Variants in DGLUCY observed in about 807,000 individuals in gnomAD.
DGLUCY encodes D-glutamate cyclase, also known as D-glutamate cyclase, mitochondrial.
A neutral mutation model predicts 58.5 loss-of-function variants in DGLUCY; 58 were observed. The ratio of observed to expected loss-of-function variants is 0.99; its 90% CI spans 0.80 to 1.23. The LOEUF (loss-of-function observed/expected upper bound fraction) is 1.23, where lower values mean the gene tolerates loss of function less well. DGLUCY is among the 50% of genes most tolerant of loss of function. The pLI is 0.00. For synonymous variants in DGLUCY, 325 were observed against 314.1 expected (o/e 1.03, Z -0.37); for missense variants, 779 against 784.7 (o/e 0.99, Z 0.09).
intron 9 of DGLUCY, among the ~76,000 whole-genome samples, chr14:91,195,670 G>GTTTTT (rs1207157314): frequency 6.6e-5 from 8 of 120,658 alleles, no homozygotes; most frequent in East Asian, 4.5e-4. Context: ...TTTGGGTTTT[G>GTTTTT]TTTTTTTTTT....
intron 10 of DGLUCY, among the ~76,000 whole-genome samples, chr14:91,198,384 AC>A (rs2050348378): frequency 7.4e-6 from 1 of 134,258 alleles, no homozygotes; most frequent in Non-Finnish European, 1.6e-5. Flanking sequence ...TCACTCTGTC[AC>A]CCAGGCTGGA....
At chr14:91,090,013 G>A (rs949412767) in intron 1 of DGLUCY, among the ~76,000 whole-genome samples, 3 of 152,138 alleles carry the variant, frequency 2.0e-5, no homozygotes, top group African/African-American at 7.2e-5. Flanking sequence ...CCAATCATGG[G>A]ACAATCTGTC....
Position 91,175,979 on chromosome 14 carries a change from C to T in DGLUCY, c.653C>T (p.Ala218Val), listed in dbSNP as rs376295292. The T allele has an allele frequency of 3.1e-6, 5 of 1,613,906 alleles. No homozygotes were observed. The Admixed American group carries it at 5.0e-5, about 16-fold the overall frequency. ...CTTTCCAAACCTGCCTACGGGGATG[C>T]CATGGTGTGTCCCCCAGGGGAGGTT... ...KELSKPAYGD[A>V]MVCPPGEVPV... is the part of the protein sequence containing the mutation. Residue 218 changes from alanine to valine, a missense_variant, in exon 7 of 14, where the codon GCC (alanine) becomes GTC (valine). Coordinates refer to ENST00000256324, the MANE Select transcript of DGLUCY (RefSeq NM_001102368.3).
chr14:91,152,017 C>T (rs959985931), intron 1 of DGLUCY, among the ~76,000 whole-genome samples: 2 of 152,194 alleles, frequency 1.3e-5, no homozygotes, highest in Non-Finnish European at 2.9e-5. Context: ...CTACCTTACT[C>T]AGCTCCACCT....
chr14:91,176,923 A>G (rs559811242), intron 7 of DGLUCY, among the ~76,000 whole-genome samples: 143 of 150,160 alleles, frequency 9.5e-4, no homozygotes, highest in African/African-American at 3.5e-3. Context: ...TTGATTAAAT[A>G]TATTTCCTTC....
chr14:91,188,742 T>C (rs2049681463), intron 8 of DGLUCY, among the ~76,000 whole-genome samples, 168 bp from the exon 9 acceptor site: 1 of 152,028 alleles, frequency 6.6e-6, no homozygotes, highest in Non-Finnish European at 1.5e-5. Flanking sequence ...GGCGGGAGGA[T>C]CACGTGAGCC....
chr14:91,097,668 T>C (rs1020501952), intron 1 of DGLUCY, among the ~76,000 whole-genome samples: 2 of 144,264 alleles, frequency 1.4e-5, no homozygotes, highest in Non-Finnish European at 1.5e-5. Context: ...AAGGACCCCC[T>C]CCCCTCCCTT....
intron 12 of DGLUCY, among the ~76,000 whole-genome samples, chr14:91,206,773 T>C (rs1468915434): frequency 6.6e-6 from 1 of 152,114 alleles, no homozygotes; most frequent in African/African-American, 2.4e-5. Flanking sequence ...AAACACAATT[T>C]GAAGAGAAGT....
chr14:91,184,427 G>A (rs113904579), intron 8 of DGLUCY, among the ~76,000 whole-genome samples: 8,167 of 151,142 alleles, frequency 0.054, 268 homozygotes, highest in Middle Eastern at 0.12. Flanking sequence ...GGTGTCAAAC[G>A]CCTGTGGTCC....
At chr14:91,203,394 T>C (rs1197087622) in intron 11 of DGLUCY, among the ~76,000 whole-genome samples, 2 of 152,240 alleles carry the variant, frequency 1.3e-5, no homozygotes, top group East Asian at 1.9e-4. Context: ...TCTGACAGAA[T>C]TCTTCCGCAT....
chr14:91,131,514 C>T (rs963845396), intron 1 of DGLUCY, among the ~76,000 whole-genome samples: 10 of 151,660 alleles, frequency 6.6e-5, no homozygotes, highest in African/African-American at 1.7e-4. Flanking sequence ...ATGTGCACAA[C>T]GTGCAGGTTT....
At chr14:91,176,703 G>A (rs1316909496) in intron 7 of DGLUCY, among the ~76,000 whole-genome samples, 1 of 152,164 alleles carries the variant, frequency 6.6e-6, no homozygotes, top group Non-Finnish European at 1.5e-5. Flanking sequence ...GGGCTCCAGC[G>A]AGGGAGGTGT....
chr14:91,066,123 A>T (rs1301719131), intron 1 of DGLUCY, among the ~76,000 whole-genome samples: 1 of 152,220 alleles, frequency 6.6e-6, no homozygotes, highest in East Asian at 1.9e-4. Context: ...CACGCCTGTA[A>T]TCCCAGCACT....
At chr14:91,214,445 A>T (rs1364752712) in intron 12 of DGLUCY, among the ~76,000 whole-genome samples, 2 of 152,214 alleles carry the variant, frequency 1.3e-5, no homozygotes, top group Admixed American at 6.5e-5. Context: ...CTGATTTGGG[A>T]GTGATCTTTG....
At chr14:91,193,104 G>T (rs1244655023) in intron 9 of DGLUCY, among the ~76,000 whole-genome samples, 2 of 152,168 alleles carry the variant, frequency 1.3e-5, no homozygotes, top group Non-Finnish European at 2.9e-5. Context: ...GGGTCTCCCT[G>T]TGTTAAGAGG....
intron 9 of DGLUCY, among the ~76,000 whole-genome samples, chr14:91,191,877 G>A (rs938036528): frequency 6.6e-6 from 1 of 152,120 alleles, no homozygotes; most frequent in African/African-American, 2.4e-5. Context: ...AGGTTTAGGG[G>A]TAAATCAAGA....
intron 4 of DGLUCY, among the ~76,000 whole-genome samples, 193 bp from the exon 5 acceptor site, chr14:91,169,810 C>T (rs1006671966): frequency 1.3e-5 from 2 of 152,092 alleles, no homozygotes; most frequent in East Asian, 1.9e-4. Context: ...CTGATTTAAT[C>T]GTTTCCGATC....
chr14:91,141,817 C>T lies in DGLUCY; in HGVS notation c.-81-15822C>T, dbSNP rs528964527. Among the ~76,000 whole-genome samples, 24 of 151,096 alleles carry T rather than the reference C, an allele frequency of 1.6e-4. No individual in the cohort carries two copies. The East Asian group carries it at 3.7e-3, about 23-fold the overall frequency. On this transcript the variant is annotated intron_variant, in intron 1 of 13. Transcript: ENST00000256324. ...TCGCCCGCCTCAGCCTCCCAAAGTA[C>T]GGGGATTACAGGCGTGAGTCACTGC... is the stretch of plus-strand genomic sequence containing the variant.
chr14:91,221,569 A>G (rs1887509765), intron 13 of DGLUCY, among the ~76,000 whole-genome samples: 1 of 151,558 alleles, frequency 6.6e-6, no homozygotes, highest in Non-Finnish European at 1.5e-5. Flanking sequence ...GGATGGATGG[A>G]TAATAGATGG....
Sources: gnomAD v4.1 joint callset for allele counts (sites outside exome capture counted in the v4.1 genomes callset) on GRCh38, gnomAD v4.1.1 for gene constraint, MANE v1.5 for transcripts, NCBI Gene and HGNC (gene_info 2026-07-23, HGNC 2026-07-21) for gene names.